CUBN: variants seen among roughly 807,000 people sequenced by gnomAD.
CUBN encodes the protein 460 kDa receptor.
In CUBN, 282 loss-of-function variants were observed where a neutral mutation model predicts 405.3. The observed-to-expected ratio is 0.70, with a 90% CI of 0.63 to 0.77. The LOEUF (loss-of-function observed/expected upper bound fraction) is 0.77. Ranked by LOEUF, CUBN falls within the 30% of genes least tolerant of loss-of-function variation. The pLI, the probability that CUBN is intolerant of heterozygous loss-of-function variation, is 0.00. For synonymous variants in CUBN, 1,684 were observed against 1,617.0 expected, an observed-to-expected ratio of 1.04 and a Z score of -0.99; for missense variants, 4,514 against 4,475.2, an observed-to-expected ratio of 1.01 and a Z score of -0.25.
In CUBN at chr10:17,087,466, C is replaced by CTTTTTTTTTTTTTT. The variant is rs879308596; in HGVS notation, c.1947+697_1947+698insAAAAAAAAAAAAAA. ...GTTCAACACAATCACTATTATTTTT[C>CTTTTTTTTTTTTTT]TTTTTCTTTTTTTTTTTTTTTTTTT... On this transcript the variant is annotated intron_variant, in intron 15 of 66. Coordinates refer to ENST00000377833, the MANE Select transcript of CUBN (RefSeq NM_001081.4). Among the ~76,000 whole-genome samples, 46 of 79,768 alleles carry CTTTTTTTTTTTTTT rather than the reference C, an allele frequency of 5.8e-4. 8 individuals carry two copies. Among genetic ancestry groups the CTTTTTTTTTTTTTT allele is most frequent in the Non-Finnish European group, 8.0e-4 (35 of 43,622 alleles). 52.3% of individuals were successfully genotyped at this position (79,768 alleles called of 152,430 possible). A position where few individuals can be genotyped will look rare whatever the true frequency, so the allele number is the denominator to read the frequency against.
chr10:16,858,183 T>C (rs943000101), intron 59 of CUBN, among the ~76,000 whole-genome samples: 1 of 152,210 alleles, frequency 6.6e-6, no homozygotes, highest in African/African-American at 2.4e-5. Flanking sequence ...GATACATATA[T>C]GTTCATGGAT....
At chr10:16,997,609 T>G (rs1381921741) in intron 28 of CUBN, among the ~76,000 whole-genome samples, 1 of 152,078 alleles carries the variant, frequency 6.6e-6, no homozygotes, top group African/African-American at 2.4e-5. Flanking sequence ...TATACAGGCC[T>G]CACTTCCGAT....
chr10:16,960,356 G>A (rs1397072394), intron 31 of CUBN, among the ~76,000 whole-genome samples: 1 of 152,176 alleles, frequency 6.6e-6, no homozygotes. Context: ...GCCAGGCGTA[G>A]TGACGTGTGC....
chr10:17,109,094 A>G (rs1836706225), intron 10 of CUBN, among the ~76,000 whole-genome samples: 1 of 152,246 alleles, frequency 6.6e-6, no homozygotes, highest in Non-Finnish European at 1.5e-5. Context: ...CGGTGAATAC[A>G]TAAATTGATA....
intron 66 of CUBN, among the ~76,000 whole-genome samples, chr10:16,826,288 T>A (rs1838778330): frequency 6.8e-6 from 1 of 147,412 alleles, no homozygotes; most frequent in Non-Finnish European, 1.5e-5. Flanking sequence ...ATTACAAGTT[T>A]AACAAACATA....
chr10:16,966,119 C>T, intron 31 of CUBN: 1 of 397,946 alleles, frequency 2.5e-6, no homozygotes, highest in Non-Finnish European at 5.0e-6. Flanking sequence ...GTCCCCCATC[C>T]TTTGCATCTG....
At position 16,836,382 on chromosome 10, in the gene CUBN, C is replaced by A; in HGVS notation, c.10033G>T (p.Gly3345Cys). The A allele has an allele frequency of 6.2e-7, 1 of 1,613,898 alleles. No homozygotes were observed. The highest frequency in any genetic ancestry group is 8.5e-7 in the Non-Finnish European group (1 of 1,179,844). ...AACTGAAATCTTGAATTTCCGTGACCCTGAAATGAAATGGGAGCCAAATCA... is the reference window on the plus strand; with the variant it reads ...AACTGAAATCTTGAATTTCCGTGACACTGAAATGAAATGGGAGCCAAATCA... ...NYLQLQDSPQ[G>C]HGNSRFQFCG... Residue 3345 changes from glycine to cysteine, a missense_variant and splice_region_variant, in exon 63 of 67, where the codon GGT becomes TGT. By Grantham distance (159) the Gly-to-Cys change is radical. Coordinates refer to ENST00000377833, the MANE Select transcript of CUBN (RefSeq NM_001081.4).
At chr10:16,969,953 G>A (rs1843505237) in intron 31 of CUBN, among the ~76,000 whole-genome samples, 1 of 151,614 alleles carries the variant, frequency 6.6e-6, no homozygotes, top group Admixed American at 6.6e-5. Flanking sequence ...CTGCCATCTT[G>A]TCCTCCTTTT....
intron 6 of CUBN, among the ~76,000 whole-genome samples, chr10:17,118,053 C>A (rs978488744): frequency 5.3e-5 from 8 of 152,156 alleles, no homozygotes; most frequent in Non-Finnish European, 1.0e-4. Flanking sequence ...CATGGACCTG[C>A]AGTTAAATCC....
In CUBN at chr10:16,975,733, C is replaced by T. The variant is rs905562179; in HGVS notation, c.4695+6751G>A. Among the ~76,000 whole-genome samples the T allele has an allele frequency of 4.7e-5, 7 of 147,502 alleles. No homozygotes were observed. In the East Asian group the frequency reaches 6.1e-4, roughly 13 times the overall value. ...GCAACCTCCACCTCCTGGGTTCAAGCGATTCTCATGCCTCAGCCTCCCAAG... is the reference window on the plus strand; with the variant it reads ...GCAACCTCCACCTCCTGGGTTCAAGTGATTCTCATGCCTCAGCCTCCCAAG... On this transcript the variant is annotated intron_variant, in intron 31 of 66. Transcript: ENST00000377833.
intron 28 of CUBN, among the ~76,000 whole-genome samples, chr10:17,017,686 G>C (rs1564480781): frequency 6.6e-6 from 1 of 152,298 alleles, no homozygotes; most frequent in East Asian, 1.9e-4. Context: ...CTACAATGGG[G>C]CTTTGGGCAA....
chr10:16,923,364 C>T (rs1281564892), intron 43 of CUBN, among the ~76,000 whole-genome samples: 1 of 152,090 alleles, frequency 6.6e-6, no homozygotes, highest in Non-Finnish European at 1.5e-5. Context: ...TGGTATAAAA[C>T]TAGGTGATTT....
At chr10:17,010,426 A>G (rs999646103) in intron 28 of CUBN, among the ~76,000 whole-genome samples, 1 of 151,822 alleles carries the variant, frequency 6.6e-6, no homozygotes, top group Admixed American at 6.6e-5. Flanking sequence ...GGACTGCTTG[A>G]GCTCAGAAGT....
At chr10:16,850,532 C>T (rs1442183580) in intron 60 of CUBN, among the ~76,000 whole-genome samples, 1 of 152,028 alleles carries the variant, frequency 6.6e-6, no homozygotes, top group African/African-American at 2.4e-5. Flanking sequence ...AGTGCAGTGG[C>T]GAGATCTCAG....
rs943617833 is a variant in CUBN at position 16,933,198 on chromosome 10, C to G, written c.6013G>C (p.Asp2005His). 2 of 1,614,026 alleles carry G rather than the reference C, an allele frequency of 1.2e-6. No homozygotes were observed. The highest frequency in any genetic ancestry group is 1.3e-5 in the African/African-American group (1 of 75,032). The change falls in exon 40 of 67, where the codon GAC becomes CAC. Residue 2005 changes from aspartate (D) to histidine (H), a missense_variant. This residue lies in a region of CUBN where 1,613 missense variants were observed against 1,542.8 expected (regional missense o/e 1.05). Transcript: ENST00000377833. ...GWPDSYSNRV[D>H]CTWLIQAPDS... The stretch of plus-strand genomic sequence containing the variant: ...GGAGCCTGGATGAGCCACGTACAGT[C>G]CACTCTATTACTGTAACTGTCAGGC...
intron 6 of CUBN, chr10:17,122,089 G>A (rs765706109): frequency 4.6e-5 from 7 of 152,554 alleles, no homozygotes; most frequent in East Asian, 1.9e-4. Flanking sequence ...AAGCTTTGAC[G>A]ATGGATATCC....
chr10:16,973,237 C>T (rs983161866), intron 31 of CUBN, among the ~76,000 whole-genome samples: 1 of 152,136 alleles, frequency 6.6e-6, no homozygotes, highest in African/African-American at 2.4e-5. Flanking sequence ...AGCCTCCCCT[C>T]GTGGCCTCAC....
intron 36 of CUBN, among the ~76,000 whole-genome samples, chr10:16,941,788 G>A (rs1172781966): frequency 6.6e-6 from 1 of 152,108 alleles, no homozygotes; most frequent in African/African-American, 2.4e-5. Flanking sequence ...GCTGAAGTGA[G>A]GGGTGATCGT....
chr10:16,897,683 T>G (rs1841227906), intron 54 of CUBN, among the ~76,000 whole-genome samples: 1 of 152,160 alleles, frequency 6.6e-6, no homozygotes, highest in African/African-American at 2.4e-5. Context: ...GTTAAGTGGC[T>G]TCCTGCGGGG....
Sources: gnomAD v4.1 joint callset for allele counts (sites outside exome capture counted in the v4.1 genomes callset) on GRCh38, gnomAD v4.1.1 for gene constraint, gnomAD v4.1.1 regional missense constraint, MANE v1.5 for transcripts, NCBI Gene and HGNC (gene_info 2026-07-23, HGNC 2026-07-21) for gene names.